DZIP1: variants seen among roughly 807,000 people sequenced by gnomAD.
DZIP1 encodes cilium assembly protein DZIP1.
Under a neutral mutation model 107.6 loss-of-function variants are expected in DZIP1, and 97 were observed. That is an observed-to-expected ratio of 0.90 (90% CI 0.77 to 1.07). The LOEUF (loss-of-function observed/expected upper bound fraction) is 1.07. DZIP1 is among the 50% of genes least tolerant of loss of function. The pLI is 0.00. For synonymous variants in DZIP1, 390 were observed against 386.4 expected (o/e 1.01, Z -0.11); for missense variants, 1,035 against 1,063.6 (o/e 0.97, Z 0.37).
chr13:95,608,447 GT>G (rs58952039), intron 13 of DZIP1, among the ~76,000 whole-genome samples: 41,607 of 138,126 alleles, frequency 0.3, 5,965 homozygotes, highest in Non-Finnish European at 0.36. Context: ...ATAGACTTGG[GT>G]TTTTTTTTTT....
chr13:95,613,212 C>A (rs1419541979), intron 10 of DZIP1, among the ~76,000 whole-genome samples: 1 of 152,104 alleles, frequency 6.6e-6, no homozygotes, highest in Non-Finnish European at 1.5e-5. Flanking sequence ...TAAAAAGAAA[C>A]AAAGGGGGGG....
chr13:95,632,527 C>T (rs989277733), intron 6 of DZIP1, among the ~76,000 whole-genome samples: 1 of 152,152 alleles, frequency 6.6e-6, no homozygotes, highest in African/African-American at 2.4e-5. Flanking sequence ...GCCTCCTCCC[C>T]TCACTCATCC....
At chr13:95,615,039 G>T (rs1874874169) in intron 10 of DZIP1, among the ~76,000 whole-genome samples, 1 of 152,126 alleles carries the variant, frequency 6.6e-6, no homozygotes, top group African/African-American at 2.4e-5. Context: ...AAAGAAGGGA[G>T]AGGTAAGCAG....
At chr13:95,638,555 T>C (rs963677900) in intron 5 of DZIP1, among the ~76,000 whole-genome samples, 1 of 152,216 alleles carries the variant, frequency 6.6e-6, no homozygotes, top group African/African-American at 2.4e-5. Flanking sequence ...GTTGTTTTAA[T>C]TTTTCTGCAT....
chr13:95,596,052 G>A (rs2044448907), intron 15 of DZIP1, among the ~76,000 whole-genome samples: 1 of 152,028 alleles, frequency 6.6e-6, no homozygotes. Context: ...GCTTGCTTTG[G>A]GAAACCATTT....
chr13:95,587,620 C>A lies in DZIP1; in HGVS notation c.2137G>T (p.Gly713Trp). The A allele has an allele frequency of 3.1e-6, 5 of 1,614,088 alleles. No homozygotes were observed. The highest frequency in any genetic ancestry group is 4.2e-6 in the Non-Finnish European group (5 of 1,180,030). ...VPPPQNKGSF[G>W]KNTVKSDADG... ...GCGTCACTTTTCACTGTGTTCTTCC[C>A]GAAGCTGCCCTTGTTTTGTGGTGGC... Residue 713 changes from glycine (G) to tryptophan (W), a missense_variant, in exon 20 of 23, where the codon GGG (glycine) becomes TGG (tryptophan). By Grantham distance (184) the Gly-to-Trp change is radical. Transcript: ENST00000376829.
At chr13:95,587,516 A>G in intron 20 of DZIP1, 23 bp downstream of exon 20, 1 of 1,610,944 alleles carries the variant, frequency 6.2e-7, no homozygotes, top group Non-Finnish European at 8.5e-7. Flanking sequence ...GTTTCCAGAG[A>G]GTTTTCCAAG....
chr13:95,608,619 C>T (rs1317184015), intron 13 of DZIP1, among the ~76,000 whole-genome samples: 5 of 152,112 alleles, frequency 3.3e-5, no homozygotes, highest in African/African-American at 1.2e-4. Context: ...CTCTCTCAAC[C>T]CTACTCTGGG....
Position 95,622,576 on chromosome 13 carries a change from T to C in DZIP1, c.973-96A>G, listed in dbSNP as rs1281249859. On this transcript the variant is annotated intron_variant, in intron 8 of 22. Coordinates refer to ENST00000376829, the MANE Select transcript of DZIP1 (RefSeq NM_198968.4). Reference sequence around the variant, plus strand: ...GGAGCACATAGCTGTGTTTTAAATCTGACTGCCCTCTTGGACGCTCCTGGA... The same window carrying C: ...GGAGCACATAGCTGTGTTTTAAATCCGACTGCCCTCTTGGACGCTCCTGGA... 4.8e-6 allele frequency: 7 copies of C among 1,443,620 alleles called. No individual in the cohort carries two copies. In the African/African-American group the frequency reaches 8.4e-5, roughly 17 times the overall value. 89.4% of individuals were successfully genotyped at this position (1,443,620 alleles called of 1,614,324 possible).
chr13:95,591,712 C>T (rs2044317400), intron 16 of DZIP1, among the ~76,000 whole-genome samples: 1 of 152,186 alleles, frequency 6.6e-6, no homozygotes, highest in South Asian at 2.1e-4. Flanking sequence ...TGTTTCATGC[C>T]TGTCTTCCTA....
intron 10 of DZIP1, among the ~76,000 whole-genome samples, chr13:95,612,735 C>A (rs1036947144): frequency 6.6e-6 from 1 of 152,156 alleles, no homozygotes; most frequent in Non-Finnish European, 1.5e-5. Context: ...CAGGCCCACA[C>A]AACCATACCT....
rs1253322760 is a variant in DZIP1, at chr13:95,580,664, C to T, written c.*1570G>A. On this transcript the variant is annotated 3_prime_UTR_variant, in exon 23 of 23. Transcript: ENST00000376829. The stretch of plus-strand genomic sequence containing the variant: ...AAATGAATTAGTGCGTGTTCAAAAC[C>T]AAACCAGACCAAGTGGTTCAATAAA... The T allele has an allele frequency of 5.3e-5, 8 of 152,142 alleles. No homozygotes were observed. The highest frequency in any genetic ancestry group is 1.0e-4 in the Non-Finnish European group (7 of 68,016). 9.4% of individuals were successfully genotyped at this position (152,142 alleles called of 1,614,324 possible).
At chr13:95,599,496 AT>A in intron 14 of DZIP1, 72 bp from the exon 15 acceptor site, 1 of 1,268,816 alleles carries the variant, frequency 7.9e-7, no homozygotes, top group Non-Finnish European at 1.1e-6. Context: ...CTTTCAAATG[AT>A]TTTGAAAGAT....
intron 16 of DZIP1, among the ~76,000 whole-genome samples, chr13:95,592,126 G>C (rs761229710): frequency 6.6e-6 from 1 of 151,920 alleles, no homozygotes; most frequent in Admixed American, 6.6e-5. Flanking sequence ...AATGATATTG[G>C]GACACCTGAT....
chr13:95,642,899 G>A (rs1396204379), intron 3 of DZIP1, 144 bp downstream of exon 3: 1 of 152,162 alleles, frequency 6.6e-6, no homozygotes, highest in African/African-American at 2.4e-5. Flanking sequence ...ATAAAAGTAC[G>A]AACCAAAGAA....
At chr13:95,603,306 CAAAAAAA>C (rs34995131) in intron 14 of DZIP1, among the ~76,000 whole-genome samples, 84 of 47,962 alleles carry the variant, frequency 1.8e-3, no homozygotes, top group Admixed American at 0.014. Context: ...TGCCCAGTCT[CAAAAAAA>C]AAAAAAAAAA....
Position 95,587,797 on chromosome 13 carries a change from A to T in DZIP1, c.2028-68T>A, listed in dbSNP as rs563846714. ...GCTTTAGGATTTATAATATTAAGAG[A>T]TGTGCCTCTTAAAGTGGTGGCACCT... On this transcript the variant is annotated intron_variant, in intron 19 of 22. Transcript: ENST00000376829. The T allele has an allele frequency of 5.4e-6, 8 of 1,483,692 alleles. No homozygotes were observed. The East Asian group carries it at 1.7e-4, about 32-fold the overall frequency. The allele number at this position is 1,483,692 out of a possible 1,614,324, so 91.9% of individuals were successfully genotyped here.
intron 16 of DZIP1, among the ~76,000 whole-genome samples, chr13:95,590,956 C>T (rs562817757): frequency 6.6e-5 from 10 of 151,944 alleles, no homozygotes; most frequent in South Asian, 2.1e-4. Flanking sequence ...GACTAAATGC[C>T]AACCCAAAAG....
chr13:95,593,503 T>C (rs1370761451), intron 16 of DZIP1, among the ~76,000 whole-genome samples: 1 of 152,212 alleles, frequency 6.6e-6, no homozygotes, highest in African/African-American at 2.4e-5. Context: ...CTGGCAACAA[T>C]ATGAAATCCA....
Sources: gnomAD v4.1 joint callset for allele counts (sites outside exome capture counted in the v4.1 genomes callset) on GRCh38, gnomAD v4.1.1 for gene constraint, MANE v1.5 for transcripts, NCBI Gene and HGNC (gene_info 2026-07-23, HGNC 2026-07-21) for gene names.